The following UGT1A7 variants were observed in gnomAD, a reference collection of about 807,000 sequenced individuals.
The protein encoded by UGT1A7 is UDP glucuronosyltransferase family 1 member A7.
UGT1A7 carries 33 observed loss-of-function variants against 45.6 expected under a neutral mutation model. That is an observed-to-expected ratio of 0.72 (90% CI 0.55 to 0.97). The LOEUF (loss-of-function observed/expected upper bound fraction) is 0.97. Among genes scored for constraint, UGT1A7 ranks in the 50% least tolerant of loss-of-function variants. The pLI, the probability that UGT1A7 is intolerant of heterozygous loss-of-function variation, is 0.00. For synonymous variants in UGT1A7, 274 were observed against 250.6 expected (o/e 1.09, Z -0.88); for missense variants, 684 against 666.2 (o/e 1.03, Z -0.29).
chr2:233,713,117 C>T (rs1559358887), intron 1 of UGT1A7: 1 of 1,614,102 alleles, frequency 6.2e-7, no homozygotes, highest in Non-Finnish European at 8.5e-7. Flanking sequence ...GCCACTGGCT[C>T]AGCATGCGGG....
chr2:233,737,458 C>G (rs1404187897), intron 1 of UGT1A7, among the ~76,000 whole-genome samples: 1 of 152,216 alleles, frequency 6.6e-6, no homozygotes, highest in Non-Finnish European at 1.5e-5. Context: ...CAGGTACAGT[C>G]TGTCATGGCT....
rs1575628986 is a variant in UGT1A7 at position 233,739,340 on chromosome 2, A to AT, written c.856-27694_856-27693insT. 3.9e-5 allele frequency among the ~76,000 whole-genome samples: 6 copies of AT among 152,276 alleles called. No individual in the cohort carries two copies. In the East Asian group the frequency reaches 5.8e-4, roughly 15 times the overall value. On this transcript the variant is annotated intron_variant, in intron 1 of 4. Coordinates refer to ENST00000373426, the MANE Select transcript of UGT1A7 (RefSeq NM_019077.3). Reference sequence around the variant, plus strand: ...GAGAAGAAGGCCACAGTCCTTCAGAACCCAGAAGGGCAGATCCAATAGCTT... The same window carrying AT: ...GAGAAGAAGGCCACAGTCCTTCAGAATCCCAGAAGGGCAGATCCAATAGCTT...
chr2:233,715,394 A>G (rs1337290732), intron 1 of UGT1A7, among the ~76,000 whole-genome samples: 1 of 152,240 alleles, frequency 6.6e-6, no homozygotes, highest in Non-Finnish European at 1.5e-5. Context: ...TTATCATTAA[A>G]TAATAATCCT....
chr2:233,722,566 G>A (rs901908747), intron 1 of UGT1A7, among the ~76,000 whole-genome samples: 44 of 152,258 alleles, frequency 2.9e-4, no homozygotes, highest in Non-Finnish European at 5.7e-4. Flanking sequence ...ATTTGTAGCT[G>A]CTTTTGCAAC....
At chr2:233,724,346 C>A (rs1441595042) in intron 1 of UGT1A7, among the ~76,000 whole-genome samples, 1 of 148,192 alleles carries the variant, frequency 6.7e-6, no homozygotes, top group East Asian at 2.1e-4. Flanking sequence ...GCTGACCCCC[C>A]CCACCTCCCT....
At chr2:233,711,289 G>A (rs1304407037) in intron 1 of UGT1A7, among the ~76,000 whole-genome samples, 1 of 152,208 alleles carries the variant, frequency 6.6e-6, no homozygotes, top group Admixed American at 6.5e-5. Flanking sequence ...CTAGACGTGG[G>A]AGTAGAAATT....
At chr2:233,751,929 T>C (rs1393855329) in intron 1 of UGT1A7, among the ~76,000 whole-genome samples, 1 of 152,160 alleles carries the variant, frequency 6.6e-6, no homozygotes, top group South Asian at 2.1e-4. Flanking sequence ...TTGGTGGTGA[T>C]TGAAGTTATA....
At chr2:233,747,688 C>T in intron 1 of UGT1A7, 2 of 1,609,342 alleles carry the variant, frequency 1.2e-6, no homozygotes, top group South Asian at 2.2e-5. Context: ...CTCTGTGGGG[C>T]AGTGCTGGCT....
chr2:233,760,861 T>A, intron 1 of UGT1A7: 1 of 1,614,158 alleles, frequency 6.2e-7, no homozygotes, highest in Non-Finnish European at 8.5e-7. Flanking sequence ...CCCATTCTCC[T>A]ACGTGCCCAG....
intron 1 of UGT1A7, chr2:233,722,202 A>C (rs1295907588): frequency 1.9e-5 from 3 of 154,218 alleles, no homozygotes; most frequent in Admixed American, 6.5e-5. Context: ...TACTGAGTGC[A>C]TGAAAGATCA....
chr2:233,718,088 T>C (rs993085528), intron 1 of UGT1A7: 4 of 337,804 alleles, frequency 1.2e-5, no homozygotes, highest in African/African-American at 2.1e-5. Flanking sequence ...GTCTTGCCCA[T>C]GTGTGCTTTA....
chr2:233,711,464 C>G (rs2076182225), intron 1 of UGT1A7, among the ~76,000 whole-genome samples: 1 of 152,182 alleles, frequency 6.6e-6, no homozygotes, highest in South Asian at 2.1e-4. Context: ...AGGAATAGTT[C>G]AGAGGCTGAG....
At chr2:233,729,678 C>G (rs748966468) in intron 1 of UGT1A7, 1 of 1,613,812 alleles carries the variant, frequency 6.2e-7, no homozygotes, top group Non-Finnish European at 8.5e-7. Flanking sequence ...ACTTTAAGGG[C>G]ACACAGTGTC....
intron 1 of UGT1A7, among the ~76,000 whole-genome samples, chr2:233,687,284 C>T (rs901760088): frequency 6.6e-6 from 1 of 152,148 alleles, no homozygotes; most frequent in African/African-American, 2.4e-5. Context: ...CTCTTCAGAA[C>T]AACATGGTGA....
At chr2:233,713,154 G>A in intron 1 of UGT1A7, 1 of 1,614,234 alleles carries the variant, frequency 6.2e-7, no homozygotes, top group Non-Finnish European at 8.5e-7. Flanking sequence ...CCATGCGAGA[G>A]GCCACCAGGT....
intron 1 of UGT1A7, chr2:233,691,453 G>C (rs2075043201): frequency 2.1e-5 from 21 of 985,678 alleles, no homozygotes; most frequent in Non-Finnish European, 2.5e-5. Flanking sequence ...TCCCTTCCTG[G>C]GCCCCAGAAC....
At chr2:233,719,149 A>T in intron 1 of UGT1A7, 1 of 1,614,268 alleles carries the variant, frequency 6.2e-7, no homozygotes, top group Non-Finnish European at 8.5e-7. Flanking sequence ...CTGAAGAGAT[A>T]TTCTAGAAGT....
intron 1 of UGT1A7, among the ~76,000 whole-genome samples, chr2:233,748,588 G>C (rs1457275864): frequency 6.6e-6 from 1 of 151,830 alleles, no homozygotes; most frequent in Non-Finnish European, 1.5e-5. Context: ...GGTTGACTCA[G>C]TTCAGTGGAA....
chr2:233,745,543 AC>A (rs1237157104), intron 1 of UGT1A7, among the ~76,000 whole-genome samples: 1 of 151,766 alleles, frequency 6.6e-6, no homozygotes, highest in Non-Finnish European at 1.5e-5. Flanking sequence ...TGTCACCAGA[AC>A]AAACTTCTAA....
Sources: gnomAD v4.1 joint callset for allele counts (sites outside exome capture counted in the v4.1 genomes callset) on GRCh38, gnomAD v4.1.1 for gene constraint, MANE v1.5 for transcripts, NCBI Gene and HGNC (gene_info 2026-07-23, HGNC 2026-07-21) for gene names.